The following KMT2C variants were observed in gnomAD, a reference collection of about 807,000 sequenced individuals.
The protein encoded by KMT2C is histone-lysine N-methyltransferase 2C.
A neutral mutation model predicts 507.9 loss-of-function variants in KMT2C; 88 were observed. The ratio of observed to expected loss-of-function variants is 0.17; its 90% CI spans 0.15 to 0.21. KMT2C has a LOEUF of 0.21. KMT2C is among the 10% of genes least tolerant of loss of function. The pLI is 1.00. For synonymous variants in KMT2C, 2,049 were observed against 2,080.8 expected, an observed-to-expected ratio of 0.98 and a Z score of 0.42; for missense variants, 4,954 against 5,957.8, an observed-to-expected ratio of 0.83 and a Z score of 5.55.
At chr7:152,242,963 AAG>A (rs1159680529) in intron 14 of KMT2C, among the ~76,000 whole-genome samples, 3 of 152,212 alleles carry the variant, frequency 2.0e-5, no homozygotes, top group South Asian at 2.1e-4. Flanking sequence ...GAAAGCAATG[AAG>A]AGAGAGAGCC....
In KMT2C at chr7:152,205,109, C is replaced by T. The variant is rs2129137264; in HGVS notation, c.3958G>A (p.Asp1320Asn). The part of the protein sequence containing the change: ...SISEQLPCRD[D>N]GWSEQLPDTL... ...TTTTTTTAAGTCAGTACTATACCAT[C>T]ATCTCTGCAAGGTAACTGCTCGGAA... Residue 1320 changes from aspartate to asparagine, a missense_variant, in exon 25 of 59, where the codon GAT becomes AAT. By Grantham distance (23) the Asp-to-Asn change is conservative (BLOSUM62 1). Coordinates refer to ENST00000262189, the MANE Select transcript of KMT2C (RefSeq NM_170606.3). 6.2e-7 allele frequency: 1 copy of T among 1,609,536 alleles called. No individual in the cohort carries two copies. The highest frequency in any genetic ancestry group is 8.5e-7 in the Non-Finnish European group (1 of 1,177,190).
chr7:152,302,752 C>G (rs1385549921), intron 6 of KMT2C, among the ~76,000 whole-genome samples: 2 of 152,088 alleles, frequency 1.3e-5, no homozygotes, highest in Non-Finnish European at 2.9e-5. Context: ...AGAAATTCTC[C>G]TGCCTCAGCC....
At position 152,135,582 on chromosome 7, in the gene KMT2C, A is replaced by G; in HGVS notation, c.*1250T>C. 1 of 226,598 alleles carries G rather than the reference A, an allele frequency of 4.4e-6. No homozygotes were observed. Among genetic ancestry groups the G allele is most frequent in the Non-Finnish European group, 8.8e-6 (1 of 113,756 alleles). The allele number at this position is 226,598 out of a possible 1,614,324, so 14.0% of individuals were successfully genotyped here. A position where few individuals can be genotyped will look rare whatever the true frequency, so the allele number is the denominator to read the frequency against. ...AAAGGGTTAGATTTAAGTTTCTGCT[A>G]CATGATCCTATTACGTTTACATGAT... On this transcript the variant is annotated 3_prime_UTR_variant, in exon 59 of 59. Transcript: ENST00000262189.
In KMT2C at chr7:152,138,985, G is replaced by GT. The variant is rs945812303; in HGVS notation, c.14535-82dup. 1 of 1,156,244 alleles carries GT rather than the reference G, an allele frequency of 8.6e-7. No individual in the cohort carries two copies. The highest frequency in any genetic ancestry group is 1.5e-5 in the African/African-American group (1 of 65,086). The allele number at this position is 1,156,244 out of a possible 1,614,324, so 71.6% of individuals were successfully genotyped here. ...AAACTTCCCATTTATTGATAAAGCA[G>GT]TTTTTGCTAATTAAATTTCTATTTG... On this transcript the variant is annotated intron_variant, in intron 57 of 58. Coordinates refer to ENST00000262189, the MANE Select transcript of KMT2C (RefSeq NM_170606.3). This position sits in a 1 kb window ranked among gnomAD's most constrained non-coding sequence, Gnocchi z 4.2.
At chr7:152,435,368 C>T (rs2097907562) in intron 1 of KMT2C, among the ~76,000 whole-genome samples, 1 of 151,656 alleles carries the variant, frequency 6.6e-6, no homozygotes, top group East Asian at 1.9e-4. Context: ...GTGAAAAGGC[C>T]CGACTGAAAA....
At chr7:152,381,125 T>G (rs2097369960) in intron 1 of KMT2C, among the ~76,000 whole-genome samples, 1 of 152,190 alleles carries the variant, frequency 6.6e-6, no homozygotes, top group South Asian at 2.1e-4. Context: ...AGTCATCAAG[T>G]TTTGTTCTGT....
intron 6 of KMT2C, among the ~76,000 whole-genome samples, chr7:152,298,359 T>A (rs1240613834): frequency 1.3e-5 from 2 of 152,080 alleles, no homozygotes; most frequent in Non-Finnish European, 2.9e-5. Flanking sequence ...GATAACATAA[T>A]CAAATTGTTC....
intron 6 of KMT2C, among the ~76,000 whole-genome samples, chr7:152,308,822 T>C (rs1185520227): frequency 2.6e-5 from 4 of 151,190 alleles, no homozygotes; most frequent in Non-Finnish European, 5.9e-5. Flanking sequence ...TGAGACCCCA[T>C]CTCTACATTT....
intron 1 of KMT2C, among the ~76,000 whole-genome samples, chr7:152,414,226 G>A (rs796695875): frequency 7.0e-6 from 1 of 142,060 alleles, no homozygotes; most frequent in Non-Finnish European, 1.5e-5. Flanking sequence ...AAAAAAAAAT[G>A]CATATGAAAC....
At chr7:152,361,212 G>A (rs1285319861) in intron 1 of KMT2C, among the ~76,000 whole-genome samples, 3 of 152,182 alleles carry the variant, frequency 2.0e-5, no homozygotes, top group African/African-American at 4.8e-5. Context: ...AACACTCTAA[G>A]GTGGATCTTA....
At chr7:152,283,759 G>C (rs1304882548) in intron 6 of KMT2C, among the ~76,000 whole-genome samples, 1 of 152,068 alleles carries the variant, frequency 6.6e-6, no homozygotes, top group Non-Finnish European at 1.5e-5. Flanking sequence ...CAGATTTCCA[G>C]TACCTGCCAA....
intron 53 of KMT2C, among the ~76,000 whole-genome samples, chr7:152,145,732 A>G (rs997847722): frequency 7.2e-5 from 11 of 152,146 alleles, no homozygotes; most frequent in African/African-American, 2.7e-4. Flanking sequence ...AATCATCTAT[A>G]TGGTTTCTTT....
chr7:152,414,710 G>A (rs986236241), intron 1 of KMT2C, among the ~76,000 whole-genome samples: 2 of 151,738 alleles, frequency 1.3e-5, no homozygotes, highest in Admixed American at 6.6e-5. Flanking sequence ...TGGTCAGGCC[G>A]ATCTCAAATT....
chr7:152,316,427 A>T (rs1044846561), intron 3 of KMT2C, among the ~76,000 whole-genome samples: 3 of 151,386 alleles, frequency 2.0e-5, no homozygotes, highest in African/African-American at 7.4e-5. Flanking sequence ...AGAAAACATT[A>T]AAAAATTAAG....
At chr7:152,289,163 T>C (rs547934740) in intron 6 of KMT2C, among the ~76,000 whole-genome samples, 299 of 152,360 alleles carry the variant, frequency 2.0e-3, no homozygotes, top group Non-Finnish European at 3.3e-3. Context: ...GTTTTCAAAA[T>C]AATGTTTAAC....
intron 2 of KMT2C, among the ~76,000 whole-genome samples, chr7:152,333,035 T>C (rs533931772): frequency 3.3e-5 from 5 of 152,306 alleles, no homozygotes; most frequent in Admixed American, 2.0e-4. Context: ...CTTCTATCTT[T>C]TATAAGCACA....
chr7:152,311,140 T>TTA (rs749883487), intron 5 of KMT2C, among the ~76,000 whole-genome samples: 1 of 152,204 alleles, frequency 6.6e-6, no homozygotes, highest in Non-Finnish European at 1.5e-5. Context: ...TCTGGTATCT[T>TTA]TATATAAAGC....
intron 1 of KMT2C, among the ~76,000 whole-genome samples, chr7:152,416,166 G>A (rs2097733594): frequency 6.6e-6 from 1 of 152,228 alleles, no homozygotes; most frequent in African/African-American, 2.4e-5. Flanking sequence ...AGGCAGGGGA[G>A]ATCACTTGAG....
intron 1 of KMT2C, among the ~76,000 whole-genome samples, chr7:152,360,554 C>A (rs992202564): frequency 2.0e-5 from 3 of 151,732 alleles, no homozygotes; most frequent in African/African-American, 7.3e-5. Context: ...AGGTGACCAG[C>A]CGGGCGTAGT....
Sources: allele counts gnomAD v4.1 joint callset (sites outside exome capture counted in the v4.1 genomes callset), GRCh38; gene constraint gnomAD v4.1.1; non-coding constraint Gnocchi (gnomAD v3.1); transcripts MANE v1.5; gene names NCBI Gene and HGNC (gene_info 2026-07-23, HGNC 2026-07-21).